TMCC1: variants seen among roughly 807,000 people sequenced by gnomAD.
The protein encoded by TMCC1 is transmembrane and coiled-coil domains protein 1.
In TMCC1, 15 loss-of-function variants were observed where a neutral mutation model predicts 52.4. The observed-to-expected ratio is 0.29, with a 90% confidence interval of 0.19 to 0.44. TMCC1 has a LOEUF of 0.44. Ranked by LOEUF, TMCC1 falls within the 20% of genes least tolerant of loss-of-function variation. The pLI, the probability that TMCC1 is intolerant of heterozygous loss-of-function variation, is 1.00. For missense variants in TMCC1, 503 were observed against 806.0 expected (o/e 0.62, Z 4.55); for synonymous variants, 279 against 301.9 (o/e 0.92, Z 0.79).
At chr3:129,712,399 G>A (rs1344044570) in intron 4 of TMCC1, among the ~76,000 whole-genome samples, 1 of 152,152 alleles carries the variant, frequency 6.6e-6, no homozygotes, top group Non-Finnish European at 1.5e-5. Context: ...CTACAAATGA[G>A]TAATGCATGA....
chr3:129,700,302 CA>C (rs1039511091), intron 4 of TMCC1, among the ~76,000 whole-genome samples: 7 of 151,784 alleles, frequency 4.6e-5, no homozygotes, highest in African/African-American at 1.2e-4. Flanking sequence ...ATAAAAAAGA[CA>C]AAAAAACCTA....
intron 4 of TMCC1, among the ~76,000 whole-genome samples, chr3:129,814,892 C>T (rs1407250265): frequency 6.6e-6 from 1 of 152,044 alleles, no homozygotes; most frequent in Admixed American, 6.6e-5. Context: ...TCAGAGCTCC[C>T]AAGTACATGA....
intron 5 of TMCC1, among the ~76,000 whole-genome samples, chr3:129,661,713 G>A (rs1051835877): frequency 6.6e-6 from 1 of 152,062 alleles, no homozygotes; most frequent in Admixed American, 6.6e-5. Flanking sequence ...TGAGGTGAGA[G>A]GACTGCTTCA....
chr3:129,835,313 T>C (rs34915087), intron 2 of TMCC1, among the ~76,000 whole-genome samples: 2 of 150,114 alleles, frequency 1.3e-5, no homozygotes, highest in Admixed American at 1.3e-4. Context: ...TCAGTCACGG[T>C]TTCTCTCACT....
intron 4 of TMCC1, among the ~76,000 whole-genome samples, chr3:129,681,951 TAAAG>T (rs1261182583): frequency 5.4e-5 from 8 of 148,132 alleles, no homozygotes; most frequent in Middle Eastern, 3.4e-3. Flanking sequence ...AAAATAAAAA[TAAAG>T]AAATGAGAAA....
At chr3:129,738,982 A>G (rs1223663826) in intron 4 of TMCC1, among the ~76,000 whole-genome samples, 3 of 151,650 alleles carry the variant, frequency 2.0e-5, no homozygotes, top group Admixed American at 2.0e-4. Context: ...ACGCCCAGCT[A>G]ATTTTTGTAT....
intron 4 of TMCC1, among the ~76,000 whole-genome samples, chr3:129,788,612 G>A (rs976523317): frequency 4.6e-5 from 7 of 151,450 alleles, no homozygotes; most frequent in Admixed American, 6.6e-5. Flanking sequence ...ACAGGCGCCC[G>A]CCACCACGCC....
chr3:129,870,970 G>A (rs1289571695), intron 2 of TMCC1, among the ~76,000 whole-genome samples: 3 of 151,810 alleles, frequency 2.0e-5, no homozygotes, highest in East Asian at 1.9e-4. Context: ...ACCAATGTTA[G>A]CTTTTTTTTT....
chr3:129,808,366 T>C (rs190413095), intron 4 of TMCC1, among the ~76,000 whole-genome samples: 1 of 151,848 alleles, frequency 6.6e-6, no homozygotes, highest in East Asian at 1.9e-4. Context: ...CCTGTAATCC[T>C]AGCTACTCGG....
chr3:129,864,172 T>C lies in TMCC1; in HGVS notation c.-184+16137A>G, dbSNP rs138117120. 5.5e-3 allele frequency among the ~76,000 whole-genome samples: 831 copies of C among 152,306 alleles called. 3 individuals carry two copies. Among genetic ancestry groups the C allele is most frequent in the African/African-American group, 8.7e-3 (362 of 41,574 alleles). On this transcript the variant is annotated intron_variant, in intron 2 of 6. Transcript: ENST00000393238. ...TGTCCACATATCTGTAGAGAGAAGG[T>C]TGGGAGCCCACATAGGCCTCAACAG...
chr3:129,825,166 C>T (rs1040884443), intron 4 of TMCC1, among the ~76,000 whole-genome samples: 20 of 152,196 alleles, frequency 1.3e-4, no homozygotes, highest in African/African-American at 2.9e-4. Flanking sequence ...TCCTTTTCCC[C>T]GCTTCATTTC....
chr3:129,696,356 C>T (rs956609163), intron 4 of TMCC1, among the ~76,000 whole-genome samples: 7 of 152,192 alleles, frequency 4.6e-5, no homozygotes, highest in South Asian at 4.1e-4. Context: ...CGAACTCTCC[C>T]GTCTTTGTGG....
intron 4 of TMCC1, among the ~76,000 whole-genome samples, chr3:129,765,683 A>C (rs2107689709): frequency 6.6e-6 from 1 of 152,282 alleles, no homozygotes; most frequent in Middle Eastern, 3.4e-3. Flanking sequence ...AGATGGTCTC[A>C]GTGGTAGAGC....
At chr3:129,815,523 G>A (rs1017464092) in intron 4 of TMCC1, among the ~76,000 whole-genome samples, 46 of 152,220 alleles carry the variant, frequency 3.0e-4, no homozygotes, top group African/African-American at 1.1e-3. Flanking sequence ...TTAATAAATG[G>A]TGCTGGGGAA....
At chr3:129,887,800 G>A (rs1216750309) in intron 1 of TMCC1, among the ~76,000 whole-genome samples, 1 of 152,156 alleles carries the variant, frequency 6.6e-6, no homozygotes, top group Non-Finnish European at 1.5e-5. Context: ...GAACTAATCT[G>A]TATGATACTG....
chr3:129,842,032 A>G (rs937772409), intron 2 of TMCC1, among the ~76,000 whole-genome samples: 8 of 152,336 alleles, frequency 5.3e-5, no homozygotes, highest in Middle Eastern at 3.4e-3. Flanking sequence ...AGAAGACATA[A>G]CAATTCTAAA....
intron 4 of TMCC1, among the ~76,000 whole-genome samples, chr3:129,760,576 C>A (rs572277594): frequency 6.6e-6 from 1 of 151,994 alleles, no homozygotes; most frequent in Non-Finnish European, 1.5e-5. Flanking sequence ...CTCCCGGGTT[C>A]ACGCCATTCT....
At chr3:129,821,306 T>G (rs1280938039) in intron 4 of TMCC1, among the ~76,000 whole-genome samples, 2 of 152,148 alleles carry the variant, frequency 1.3e-5, no homozygotes, top group African/African-American at 4.8e-5. Flanking sequence ...GTTTTAAAAT[T>G]TTCCCTAAGC....
At chr3:129,796,940 T>C (rs986729899) in intron 4 of TMCC1, among the ~76,000 whole-genome samples, 67 of 152,160 alleles carry the variant, frequency 4.4e-4, no homozygotes, top group African/African-American at 1.5e-3. Context: ...AAAAGACAGG[T>C]TTCTATGCAA....
Sources: gnomAD v4.1 joint callset for allele counts (sites outside exome capture counted in the v4.1 genomes callset) on GRCh38, gnomAD v4.1.1 for gene constraint, MANE v1.5 for transcripts, NCBI Gene and HGNC (gene_info 2026-07-23, HGNC 2026-07-21) for gene names.